Variants in QDPR observed in about 807,000 individuals in gnomAD.
QDPR encodes dihydropteridine reductase.
QDPR carries 23 observed loss-of-function variants against 31.7 expected under a neutral mutation model. The observed-to-expected ratio is 0.73, with a 90% CI of 0.52 to 1.03. The LOEUF (loss-of-function observed/expected upper bound fraction) is 1.03. Ranked by LOEUF, QDPR falls within the 50% of genes least tolerant of loss-of-function variation. The pLI is 0.00. For missense variants in QDPR, 324 were observed against 323.8 expected (o/e 1.00, Z 0.00); for synonymous variants, 124 against 124.7 (o/e 0.99, Z 0.03).
chr4:17,511,460 A>G (rs893466848), intron 1 of QDPR, among the ~76,000 whole-genome samples: 1 of 152,220 alleles, frequency 6.6e-6, no homozygotes, highest in African/African-American at 2.4e-5. Flanking sequence ...GGCGTCAGGT[A>G]ATTTATGTGC....
intron 3 of QDPR, 151 bp downstream of exon 3, chr4:17,504,228 A>G (rs1000872205): frequency 4.2e-6 from 3 of 710,560 alleles, no homozygotes; most frequent in African/African-American, 3.5e-5. Context: ...AAAATGGATT[A>G]AGAGCATTAA....
chr4:17,508,477 G>A (rs1028310968), intron 2 of QDPR, among the ~76,000 whole-genome samples: 11 of 151,936 alleles, frequency 7.2e-5, no homozygotes, highest in Non-Finnish European at 2.9e-5. Context: ...AGACAAAGAC[G>A]TTCATCACAA....
rs749095312 is a variant in QDPR at position 17,487,115 on chromosome 4, G to A, written c.*16C>T. 1 of 1,599,968 alleles carries A rather than the reference G, an allele frequency of 6.3e-7. No individual in the cohort carries two copies. The highest frequency in any genetic ancestry group is 1.3e-5 in the African/African-American group (1 of 74,598). On this transcript the variant is annotated 3_prime_UTR_variant, in exon 7 of 7. Transcript: ENST00000281243. Reference sequence around the variant, plus strand: ...TGACTTTTCTGGCAGGCCCCTCATAGGCACTGAGATGAGGCCTAAAAATAT... The same window carrying A: ...TGACTTTTCTGGCAGGCCCCTCATAAGCACTGAGATGAGGCCTAAAAATAT...
chr4:17,509,990 G>C lies in QDPR; in HGVS notation c.106-627C>G, dbSNP rs984429046. ...GTTACTCAAATCTGCAATTGTAACA[G>C]AACACAGCAATAAATAGGGGGAAAA... On this transcript the variant is annotated intron_variant, in intron 1 of 6. Transcript: ENST00000281243. The C allele has an allele frequency of 2.2e-5, 10 of 456,036 alleles. No individual in the cohort carries two copies. The Admixed American group carries it at 2.4e-4, about 11-fold the overall frequency. The allele number at this position is 456,036 out of a possible 1,614,324, so 28.2% of individuals were successfully genotyped here.
In QDPR at chr4:17,511,476, C is replaced by T. The variant is rs569526571; in HGVS notation, c.105+474G>A. On this transcript the variant is annotated intron_variant, in intron 1 of 6. Coordinates refer to ENST00000281243, the MANE Select transcript of QDPR (RefSeq NM_000320.3). Reference sequence around the variant, plus strand: ...GCGTCAGGTAATTTATGTGCAACGACACCAATTATCTCATCTAATCGTCCC... The same window carrying T: ...GCGTCAGGTAATTTATGTGCAACGATACCAATTATCTCATCTAATCGTCCC... 2.6e-5 allele frequency among the ~76,000 whole-genome samples: 4 copies of T among 152,192 alleles called. No individual in the cohort carries two copies. In the South Asian group the frequency reaches 8.3e-4, roughly 32 times the overall value.
At position 17,492,316 on chromosome 4, in the gene QDPR, T is replaced by G. The variant is rs760872904; in HGVS notation, c.461A>C (p.Lys154Thr). The change falls in exon 5 of 7, where the codon AAG becomes ACG. Residue 154 changes from lysine (K) to threonine (T), a missense_variant. Lys to Thr is a moderately conservative substitution (Grantham distance 78, BLOSUM62 -1). Transcript: ENST00000281243. ...TPGMIGYGMAKGAVHQLCQSL... is the reference protein window; with the variant it reads ...TPGMIGYGMATGAVHQLCQSL... The stretch of plus-strand genomic sequence containing the variant: ...CTGGCAGAGCTGGTGAACAGCACCC[T>G]TGGCCATGCCGTACCCGATCATACC... The G allele has an allele frequency of 6.2e-7, 1 of 1,614,204 alleles. No individual in the cohort carries two copies. The highest frequency in any genetic ancestry group is 8.5e-7 in the Non-Finnish European group (1 of 1,180,038).
chr4:17,487,227 A>T lies in QDPR; in HGVS notation c.639T>A (p.His213Gln). The T allele has an allele frequency of 6.2e-7, 1 of 1,609,430 alleles. No individual in the cohort carries two copies. The highest frequency in any genetic ancestry group is 8.5e-7 in the Non-Finnish European group (1 of 1,176,994). ...TPLEFLVETF[H>Q]DWITGKNRPS... ...GTCGGTTTTTCCCTGTGATCCAGTC[A>T]TGGAAAGTTCTGGAACAGAAAATAA... Residue 213 changes from histidine (H) to glutamine (Q), a missense_variant, in exon 7 of 7, where the codon CAT becomes CAA. By Grantham distance (24) the His-to-Gln change is conservative (BLOSUM62 0). Transcript: ENST00000281243.
intron 2 of QDPR, among the ~76,000 whole-genome samples, chr4:17,508,887 G>A (rs1173490278): frequency 5.3e-5 from 8 of 152,096 alleles, no homozygotes; most frequent in Admixed American, 2.0e-4. Context: ...GGCCAGGCGC[G>A]GTGGCTCATG....
rs762866860 is a variant in QDPR at position 17,512,050 on chromosome 4, G to A, written c.5C>T (p.Ala2Val). M[A>V]AAAAAGEARR... The stretch of plus-strand genomic sequence containing the variant: ...CGCCTCGCCTGCAGCCGCCGCCGCC[G>A]CCATCCTGCTCCTGCCAGCCCGGCT... Residue 2 changes from alanine (A) to valine (V), a missense_variant, in exon 1 of 7, where the codon GCG (alanine) becomes GTG (valine). Transcript: ENST00000281243. The A allele has an allele frequency of 2.5e-6, 4 of 1,599,316 alleles. No individual in the cohort carries two copies. The highest frequency in any genetic ancestry group is 1.4e-5 in the African/African-American group (1 of 74,034).
intron 4 of QDPR, among the ~76,000 whole-genome samples, chr4:17,496,024 A>G (rs548334304): frequency 5.6e-4 from 69 of 122,666 alleles, no homozygotes; most frequent in Non-Finnish European, 8.3e-4. Flanking sequence ...AAAAAAGGAA[A>G]ATAAATAAAT....
chr4:17,490,035 CT>C (rs2108986290), intron 6 of QDPR: 1 of 162,468 alleles, frequency 6.2e-6, no homozygotes, highest in South Asian at 1.7e-4. Context: ...ACTAGAGGGG[CT>C]TGAGGAACTG....
chr4:17,488,037 T>C (rs1041804675), intron 6 of QDPR, among the ~76,000 whole-genome samples: 4 of 152,138 alleles, frequency 2.6e-5, no homozygotes, highest in Non-Finnish European at 5.9e-5. Context: ...CTGAGGCAGG[T>C]GGATCACTTG....
intron 2 of QDPR, among the ~76,000 whole-genome samples, chr4:17,506,162 C>T (rs1181757761): frequency 1.3e-5 from 2 of 152,184 alleles, no homozygotes; most frequent in African/African-American, 4.8e-5. Context: ...GAAGGTTGGG[C>T]TCTGTTGCCC....
intron 5 of QDPR, among the ~76,000 whole-genome samples, chr4:17,491,725 A>T (rs1718170816): frequency 6.6e-6 from 1 of 152,246 alleles, no homozygotes; most frequent in African/African-American, 2.4e-5. Flanking sequence ...ACAGCCCAGG[A>T]GAACCCAAAA....
intron 5 of QDPR, among the ~76,000 whole-genome samples, 195 bp from the exon 6 acceptor site, chr4:17,490,940 A>G (rs1718142783): frequency 6.6e-6 from 1 of 152,200 alleles, no homozygotes; most frequent in African/African-American, 2.4e-5. Flanking sequence ...CCGCTAGCAA[A>G]GGCCAGATCT....
Position 17,486,760 on chromosome 4 carries a change from C to A in QDPR, c.*371G>T. The A allele has an allele frequency of 4.0e-6, 1 of 247,604 alleles. No individual in the cohort carries two copies. Among genetic ancestry groups the A allele is most frequent in the South Asian group, 6.2e-5 (1 of 16,112 alleles). The allele number at this position is 247,604 out of a possible 1,614,324, so 15.3% of individuals were successfully genotyped here. On this transcript the variant is annotated 3_prime_UTR_variant, in exon 7 of 7. Transcript: ENST00000281243. ...AACATGACATTCAAAAATAACTCAG[C>A]CTTTAAAATGTCCCCAATACCAACA...
intron 2 of QDPR, 97 bp downstream of exon 2, chr4:17,509,174 A>G (rs1027122448): frequency 5.9e-6 from 6 of 1,013,590 alleles, no homozygotes; most frequent in Admixed American, 3.6e-5. Flanking sequence ...AAAAAGAAAT[A>G]AAAGGAAGAA....
rs1196837476 is a variant in QDPR, at chr4:17,492,089, A to T, written c.545+143T>A. On this transcript the variant is annotated intron_variant, in intron 5 of 6. Transcript: ENST00000281243. ...GCAATTCAAACAGATTAAGATAATA[A>T]GTATCTTAAGAGACTTTGGTGTGTT... is the stretch of plus-strand genomic sequence containing the variant. 3 of 633,514 alleles carry T rather than the reference A, an allele frequency of 4.7e-6. No homozygotes were observed. In the African/African-American group the frequency reaches 5.5e-5, roughly 12 times the overall value. 39.2% of individuals were successfully genotyped at this position (633,514 alleles called of 1,614,324 possible). A position where few individuals can be genotyped will look rare whatever the true frequency, so the allele number is the denominator to read the frequency against.
chr4:17,504,409 C>G lies in QDPR; in HGVS notation c.265G>C (p.Gly89Arg), dbSNP rs1184906056. 1.2e-6 allele frequency: 2 copies of G among 1,614,190 alleles called. No homozygotes were observed. Among genetic ancestry groups the G allele is most frequent in the African/African-American group, 1.3e-5 (1 of 75,044 alleles). ...GATTTGGCATTGCCCCCGGCCCATCCTCCAGCAACGCAAAGAATTGCATCC... is the reference window on the plus strand; with the variant it reads ...GATTTGGCATTGCCCCCGGCCCATCGTCCAGCAACGCAAAGAATTGCATCC... ...KVDAILCVAG[G>R]WAGGNAKSKS... Residue 89 changes from glycine to arginine, a missense_variant, in exon 3 of 7, where the codon GGA (glycine) becomes CGA (arginine). Coordinates refer to ENST00000281243, the MANE Select transcript of QDPR (RefSeq NM_000320.3).
Sources: allele counts gnomAD v4.1 joint callset (sites outside exome capture counted in the v4.1 genomes callset), GRCh38; gene constraint gnomAD v4.1.1; transcripts MANE v1.5; gene names NCBI Gene and HGNC (gene_info 2026-07-23, HGNC 2026-07-21).